ANKRD30B: variants seen among roughly 807,000 people sequenced by gnomAD.
ANKRD30B encodes ankyrin repeat domain-containing protein 30B.
In ANKRD30B, 144 loss-of-function variants were observed where a neutral mutation model predicts 202.2. The ratio of observed to expected loss-of-function variants is 0.71; its 90% CI spans 0.62 to 0.82. ANKRD30B has a LOEUF of 0.82. Among genes scored for constraint, ANKRD30B ranks in the 40% least tolerant of loss-of-function variants. ANKRD30B has a pLI of 0.00. For synonymous variants in ANKRD30B, 508 were observed against 561.3 expected, an observed-to-expected ratio of 0.91 and a Z score of 1.34; for missense variants, 1,487 against 1,669.1, an observed-to-expected ratio of 0.89 and a Z score of 1.90.
the ANKRD30B span, among the ~76,000 whole-genome samples, chr18:14,933,746 T>TGAGA: frequency 0.58 from 88,276 of 151,360 alleles, 26,565 homozygotes; most frequent in African/African-American, 0.73. Flanking sequence ...GAGAGGTGTT[T>TGAGA]GACTCAGAGG....
chr18:14,856,063 TCCTCACCTCCTAGATGGGGTGGCC>T (rs1165068326), downstream of ANKRD30B, among the ~76,000 whole-genome samples: 1 of 127,298 alleles, frequency 7.9e-6, no homozygotes, highest in Non-Finnish European at 1.7e-5. Context: ...GCAGAGGCGC[TCCTCACCTCCTAGATGGGGTGGCC>T]GGGCAGAGGC....
At chr18:14,782,241 C>T (rs993879120) in intron 11 of ANKRD30B, among the ~76,000 whole-genome samples, 3 of 145,414 alleles carry the variant, frequency 2.1e-5, no homozygotes, top group Non-Finnish European at 3.1e-5. Context: ...TTTTTAAGTG[C>T]GTTACTTTTT....
chr18:14,755,670 T>C (rs1914226319), intron 4 of ANKRD30B, among the ~76,000 whole-genome samples: 1 of 152,304 alleles, frequency 6.6e-6, no homozygotes, highest in African/African-American at 2.4e-5. Flanking sequence ...TTTTTGTCCT[T>C]GCGATAGTTT....
In ANKRD30B at chr18:14,748,367, C is replaced by A. The variant is rs1325787399; in HGVS notation, c.-53C>A. On this transcript the variant is annotated 5_prime_UTR_variant, in exon 1 of 44. In the 5' UTR this introduces an upstream ATG that the reference lacks. Coordinates refer to ENST00000690538, the MANE Select transcript of ANKRD30B (RefSeq NM_001367607.2). ...GGGAAGCGAGGGCGAGGGGTAGGGG[C>A]TGGGGAAGGGCGAGCGGGAGGCGCG... The A allele has an allele frequency of 3.6e-6, 5 of 1,385,142 alleles. No individual in the cohort carries two copies. In the East Asian group the frequency reaches 1.1e-4, roughly 30 times the overall value. 85.8% of individuals were successfully genotyped at this position (1,385,142 alleles called of 1,614,324 possible).
the ANKRD30B span, among the ~76,000 whole-genome samples, chr18:14,874,845 G>C: frequency 2.0e-5 from 3 of 152,152 alleles, no homozygotes; most frequent in Admixed American, 2.0e-4. Flanking sequence ...GCAGAGTCCT[G>C]AGCCCTTTCA....
chr18:14,800,620 G>A (rs1404762217), intron 22 of ANKRD30B, among the ~76,000 whole-genome samples: 1 of 149,160 alleles, frequency 6.7e-6, no homozygotes, highest in Non-Finnish European at 1.5e-5. Flanking sequence ...CACCGCGCCC[G>A]GCCCAGAGTC....
At chr18:14,804,672 T>G (rs1969389229) in intron 24 of ANKRD30B, among the ~76,000 whole-genome samples, 2 of 150,698 alleles carry the variant, frequency 1.3e-5, no homozygotes, top group South Asian at 4.2e-4. Context: ...AGCATTATGG[T>G]GCTCCTATTT....
the ANKRD30B span, chr18:14,888,721 G>T: frequency 2.1e-5 from 18 of 844,620 alleles, no homozygotes; most frequent in Non-Finnish European, 1.8e-5. Context: ...ATTGCCATAG[G>T]AAGAACGTGG....
chr18:14,934,170 C>T, the ANKRD30B span, among the ~76,000 whole-genome samples: 6 of 152,256 alleles, frequency 3.9e-5, no homozygotes, highest in Non-Finnish European at 7.3e-5. Flanking sequence ...CCACTGCAGG[C>T]TGCTGGGCTG....
chr18:14,809,917 C>T, intron 26 of ANKRD30B, 69 bp from the exon 27 acceptor site: 5 of 1,294,768 alleles, frequency 3.9e-6, no homozygotes, highest in Non-Finnish European at 5.5e-6. Context: ...CATATTCACA[C>T]TCTATGAACA....
rs34930031 is a variant in ANKRD30B, at chr18:14,794,141, T to C, written c.1826-2080T>C. Among the ~76,000 whole-genome samples the C allele has an allele frequency of 2.4e-4, 37 of 152,234 alleles. 2 individuals carry two copies. The highest frequency in any genetic ancestry group is 1.0e-3 in the South Asian group (5 of 4,826). ...ATCTTTAGAGCCATGCCATGTGACC[T>C]GTCCTGATTTTAAAAAACTCCAGTG... On this transcript the variant is annotated intron_variant, in intron 16 of 43. Transcript: ENST00000690538.
At chr18:14,816,481 G>T (rs1970111890) in intron 30 of ANKRD30B, 1 of 151,554 alleles carries the variant, frequency 6.6e-6, no homozygotes, top group African/African-American at 2.4e-5. Flanking sequence ...CCGTCTCTAT[G>T]AAAAAATACA....
intron 32 of ANKRD30B, among the ~76,000 whole-genome samples, chr18:14,827,039 G>A (rs1160415554): frequency 6.6e-6 from 1 of 152,120 alleles, no homozygotes; most frequent in Admixed American, 6.6e-5. Context: ...GTGATGAGAT[G>A]AAGTCAGATG....
chr18:14,810,461 C>T (rs543883973), intron 28 of ANKRD30B, among the ~76,000 whole-genome samples: 11 of 151,212 alleles, frequency 7.3e-5, no homozygotes, highest in South Asian at 2.1e-4. Context: ...CTCAGTTTTA[C>T]GGCAGGTGAA....
Position 14,757,902 on chromosome 18 carries a change from CAT to C in ANKRD30B, c.707_708del (p.Ile236ThrfsTer15). On this transcript the variant is annotated frameshift_variant, in exon 5 of 44. Coordinates refer to ENST00000690538, the MANE Select transcript of ANKRD30B (RefSeq NM_001367607.2). LOFTEE classifies it high-confidence loss of function. The stretch of plus-strand genomic sequence containing the variant: ...AAAATGTTGACGTCTTTGCTGAAGA[CAT>C]ACATGGAATAACTGCAGAACGTTAT... ...QQNVDVFAED[I>X]HGITAERYAA... 1 of 1,611,554 alleles carries C rather than the reference CAT, an allele frequency of 6.2e-7. No homozygotes were observed. Among genetic ancestry groups the C allele is most frequent in the Non-Finnish European group, 8.5e-7 (1 of 1,178,620 alleles).
chr18:14,826,482 T>G (rs1970662671), intron 32 of ANKRD30B, among the ~76,000 whole-genome samples: 1 of 152,144 alleles, frequency 6.6e-6, no homozygotes, highest in Non-Finnish European at 1.5e-5. Context: ...CCCAAGATCC[T>G]ACCTAACTTT....
In ANKRD30B at chr18:14,790,786, G is replaced by T. The variant is rs552099786; in HGVS notation, c.1735-615G>T. On this transcript the variant is annotated intron_variant, in intron 15 of 43. Coordinates refer to ENST00000690538, the MANE Select transcript of ANKRD30B (RefSeq NM_001367607.2). Reference sequence around the variant, plus strand: ...GCTTTTTGATGTGCTGCTGGATTCGGTTTGCCAGTATTTTATTGAGGATTT... The same window carrying T: ...GCTTTTTGATGTGCTGCTGGATTCGTTTTGCCAGTATTTTATTGAGGATTT... Among the ~76,000 whole-genome samples, 33 of 152,058 alleles carry T rather than the reference G, an allele frequency of 2.2e-4. No individual in the cohort carries two copies. In the East Asian group the frequency reaches 5.4e-3, roughly 25 times the overall value.
chr18:14,867,531 C>G, the ANKRD30B span, among the ~76,000 whole-genome samples: 1 of 152,122 alleles, frequency 6.6e-6, no homozygotes, highest in African/African-American at 2.4e-5. Flanking sequence ...GGCCTTCGCA[C>G]CCACCATGGT....
the ANKRD30B span, among the ~76,000 whole-genome samples, chr18:14,897,438 C>G: frequency 6.6e-5 from 10 of 152,130 alleles, no homozygotes; most frequent in Non-Finnish European, 1.3e-4. Flanking sequence ...GCCTCAGCCT[C>G]CCAAAGTGTT....
Sources: gnomAD v4.1 joint callset for allele counts (sites outside exome capture counted in the v4.1 genomes callset) on GRCh38, gnomAD v4.1.1 for gene constraint, MANE v1.5 for transcripts, NCBI Gene and HGNC (gene_info 2026-07-23, HGNC 2026-07-21) for gene names.